Variants in DOCK3 observed in about 807,000 individuals in gnomAD.
The protein encoded by DOCK3 is dedicator of cytokinesis protein 3.
DOCK3 carries 60 observed loss-of-function variants against 265.6 expected under a neutral mutation model. The observed-to-expected ratio is 0.23, with a 90% CI of 0.18 to 0.28. The LOEUF (loss-of-function observed/expected upper bound fraction) is 0.28, where lower values mean the gene tolerates loss of function less well. DOCK3 is among the 10% of genes least tolerant of loss of function. The pLI, the probability that DOCK3 is intolerant of heterozygous loss-of-function variation, is 1.00. For missense variants in DOCK3, 1,981 were observed against 2,594.3 expected (o/e 0.76, Z 5.14); for synonymous variants, 881 against 938.0 (o/e 0.94, Z 1.11).
intron 9 of DOCK3, among the ~76,000 whole-genome samples, chr3:51,129,266 G>C (rs1000654839): frequency 1.3e-5 from 2 of 152,188 alleles, no homozygotes; most frequent in Non-Finnish European, 2.9e-5. Flanking sequence ...TCCTAGAAAG[G>C]GGTTGTAGTG....
chr3:50,723,735 A>T (rs1255479674), intron 1 of DOCK3, among the ~76,000 whole-genome samples: 1 of 152,256 alleles, frequency 6.6e-6, no homozygotes, highest in Non-Finnish European at 1.5e-5. Context: ...ACCTAAAACC[A>T]TAAAAACCCT....
At chr3:51,335,437 G>A (rs529431266) in intron 35 of DOCK3, among the ~76,000 whole-genome samples, 8 of 152,162 alleles carry the variant, frequency 5.3e-5, no homozygotes, top group African/African-American at 1.9e-4. Context: ...CCCCTATTAA[G>A]GAAGCTTTCC....
chr3:51,139,553 A>T (rs1221873517), intron 9 of DOCK3, among the ~76,000 whole-genome samples: 3 of 152,202 alleles, frequency 2.0e-5, no homozygotes, highest in Non-Finnish European at 2.9e-5. Flanking sequence ...TTCAATATTT[A>T]TTGAGCACCT....
chr3:50,750,627 C>T (rs2039740137), intron 1 of DOCK3, among the ~76,000 whole-genome samples: 1 of 152,114 alleles, frequency 6.6e-6, no homozygotes, highest in Non-Finnish European at 1.5e-5. Context: ...CGCGCCTGGC[C>T]TACCTTTGCT....
intron 1 of DOCK3, among the ~76,000 whole-genome samples, chr3:50,760,635 A>T (rs1470606583): frequency 6.6e-6 from 1 of 152,230 alleles, no homozygotes; most frequent in Non-Finnish European, 1.5e-5. Flanking sequence ...TAGATATTTT[A>T]AATGAATTTT....
At chr3:50,852,296 A>G (rs2046384082) in intron 3 of DOCK3, among the ~76,000 whole-genome samples, 1 of 152,232 alleles carries the variant, frequency 6.6e-6, no homozygotes, top group Non-Finnish European at 1.5e-5. Flanking sequence ...GCATGCTAAA[A>G]GCCTCTAATC....
At chr3:50,784,431 G>C (rs2042081952) in intron 2 of DOCK3, among the ~76,000 whole-genome samples, 1 of 152,122 alleles carries the variant, frequency 6.6e-6, no homozygotes, top group Non-Finnish European at 1.5e-5. Context: ...TATGGTTTGA[G>C]GTAGGGTAAT....
chr3:51,376,074 C>T (rs1187708883), intron 51 of DOCK3, among the ~76,000 whole-genome samples: 2 of 152,214 alleles, frequency 1.3e-5, no homozygotes, highest in African/African-American at 4.8e-5. Flanking sequence ...CCAACTGCCT[C>T]CTGCCCTGAG....
chr3:50,718,796 T>A (rs1294778518), intron 1 of DOCK3, among the ~76,000 whole-genome samples: 1 of 39,756 alleles, frequency 2.5e-5, no homozygotes, highest in South Asian at 9.2e-4. Context: ...TTTTTTTTTT[T>A]TTTTTTAAGA....
intron 22 of DOCK3, among the ~76,000 whole-genome samples, chr3:51,252,963 G>C (rs1216427789): frequency 3.3e-5 from 5 of 152,072 alleles, no homozygotes; most frequent in African/African-American, 1.2e-4. Flanking sequence ...GAATGCTTCT[G>C]GGTTTTGCCC....
At chr3:50,862,454 A>G (rs1327786244) in intron 3 of DOCK3, among the ~76,000 whole-genome samples, 1 of 152,160 alleles carries the variant, frequency 6.6e-6, no homozygotes, top group Non-Finnish European at 1.5e-5. Context: ...GCTGATGGTA[A>G]GTGGAAGCAC....
intron 5 of DOCK3, among the ~76,000 whole-genome samples, chr3:50,955,575 A>C (rs938481512): frequency 6.6e-6 from 1 of 152,172 alleles, no homozygotes; most frequent in Non-Finnish European, 1.5e-5. Flanking sequence ...TATCAAACTG[A>C]TGCGGGGACA....
rs776347205 is a variant in DOCK3, at chr3:51,341,333, A to G, written c.3863A>G (p.Gln1288Arg). 3.1e-6 allele frequency: 5 copies of G among 1,613,696 alleles called. No homozygotes were observed. The highest frequency in any genetic ancestry group is 4.2e-6 in the Non-Finnish European group (5 of 1,179,798). Residue 1288 changes from glutamine to arginine, a missense_variant, in exon 38 of 53, where the codon CAG becomes CGG. Coordinates refer to ENST00000266037, the MANE Select transcript of DOCK3 (RefSeq NM_004947.5). Reference sequence around the variant, plus strand: ...CACTACCCATCGCAGACAGAGTGGCAGCGGAAGGAGGGACTGTGCCGGAAG... The same window carrying G: ...CACTACCCATCGCAGACAGAGTGGCGGCGGAAGGAGGGACTGTGCCGGAAG... ...FLHYPSQTEW[Q>R]RKEGLCRKII...
intron 13 of DOCK3, among the ~76,000 whole-genome samples, chr3:51,213,109 A>G (rs948593181): frequency 9.9e-5 from 15 of 151,822 alleles, no homozygotes; most frequent in African/African-American, 3.4e-4. Flanking sequence ...TTATTTTACA[A>G]TTCTGCTTGT....
chr3:50,915,995 G>A (rs1258125458), intron 4 of DOCK3, among the ~76,000 whole-genome samples: 7 of 152,028 alleles, frequency 4.6e-5, no homozygotes, highest in Middle Eastern at 6.8e-3. Context: ...CAGCCACAGC[G>A]ATGAAGGAAT....
intron 2 of DOCK3, among the ~76,000 whole-genome samples, chr3:50,839,921 AC>A (rs2045737617): frequency 6.6e-6 from 1 of 150,974 alleles, no homozygotes; most frequent in African/African-American, 2.4e-5. Context: ...GGTGTGCGCC[AC>A]CATGCCTGGC....
At chr3:50,907,698 T>C (rs527757814) in intron 4 of DOCK3, among the ~76,000 whole-genome samples, 1 of 152,132 alleles carries the variant, frequency 6.6e-6, no homozygotes, top group South Asian at 2.1e-4. Context: ...GGGTCTTGAC[T>C]CTATCCAATT....
rs560430357 is a variant in DOCK3, at chr3:51,345,436, C to T, written c.3916-3416C>T. ...GACCAGCCGAGGTAACATAGCGAGA[C>T]CCCATCTCTATAAAATATTTTAAAA... On this transcript the variant is annotated intron_variant, in intron 38 of 52. Transcript: ENST00000266037. Among the ~76,000 whole-genome samples the T allele has an allele frequency of 2.0e-5, 3 of 152,194 alleles. No homozygotes were observed. In the East Asian group the frequency reaches 5.8e-4, roughly 29 times the overall value.
intron 4 of DOCK3, among the ~76,000 whole-genome samples, chr3:50,908,473 A>G (rs1351545153): frequency 3.9e-5 from 6 of 151,918 alleles, no homozygotes; most frequent in Admixed American, 6.6e-5. Flanking sequence ...TGCCTCAATT[A>G]TTCACCCAGT....
Sources: allele counts gnomAD v4.1 joint callset (sites outside exome capture counted in the v4.1 genomes callset), GRCh38; gene constraint gnomAD v4.1.1; transcripts MANE v1.5; gene names NCBI Gene and HGNC (gene_info 2026-07-23, HGNC 2026-07-21).